PTER: variants seen among roughly 807,000 people sequenced by gnomAD.
PTER encodes phosphotriesterase related.
PTER carries 38 observed loss-of-function variants against 29.6 expected under a neutral mutation model. The observed-to-expected ratio is 1.28, with a 90% confidence interval of 0.99 to 1.68. PTER has a LOEUF of 1.68. Among genes scored for constraint, PTER ranks in the 40% most tolerant of loss-of-function variants. PTER has a pLI of 0.00. For synonymous variants in PTER, 172 were observed against 154.5 expected, an observed-to-expected ratio of 1.11 and a Z score of -0.84; for missense variants, 482 against 427.8, an observed-to-expected ratio of 1.13 and a Z score of -1.12.
chr10:16,445,539 G>A (rs779115233), intron 1 of PTER, among the ~76,000 whole-genome samples: 2 of 152,180 alleles, frequency 1.3e-5, no homozygotes, highest in Non-Finnish European at 2.9e-5. Context: ...CATATGACAT[G>A]TCTATTACTT....
intron 1 of PTER, among the ~76,000 whole-genome samples, chr10:16,483,427 A>G (rs1382540373): frequency 6.6e-6 from 1 of 152,064 alleles, no homozygotes; most frequent in African/African-American, 2.4e-5. Context: ...TGTTTTGGGG[A>G]GGGGCATATT....
intron 3 of PTER, among the ~76,000 whole-genome samples, chr10:16,487,817 C>T (rs1029898150): frequency 6.6e-6 from 1 of 152,000 alleles, no homozygotes; most frequent in Non-Finnish European, 1.5e-5. Flanking sequence ...GGAGTAAAGC[C>T]ATATTAACAT....
chr10:16,472,932 A>T (rs1202839516), intron 1 of PTER, among the ~76,000 whole-genome samples: 1 of 152,136 alleles, frequency 6.6e-6, no homozygotes, highest in Admixed American at 6.5e-5. Flanking sequence ...GACATAAAAG[A>T]TAAAGTATTT....
At position 16,484,798 on chromosome 10, in the gene PTER, G is replaced by A. The variant is rs145046734; in HGVS notation, c.414G>A (p.Arg138=). ...ATGCAACTCACTCCTCAGAGACCAG[G>A]GCCATGTCAGTGGAGCAGGTAAAAA... ...YVDATHSSET[R]AMSVEQLTDV... The change falls in exon 2 of 5, where the codon AGG becomes AGA. Residue 138 remains arginine, a synonymous_variant. Coordinates refer to ENST00000535784, the MANE Select transcript of PTER (RefSeq NM_001261836.2). The A allele has an allele frequency of 5.6e-6, 9 of 1,604,400 alleles. No individual in the cohort carries two copies. The highest frequency in any genetic ancestry group is 1.7e-4 in the Middle Eastern group (1 of 5,964).
intron 3 of PTER, among the ~76,000 whole-genome samples, chr10:16,488,710 C>T (rs961680646): frequency 1.3e-5 from 2 of 151,906 alleles, no homozygotes; most frequent in Non-Finnish European, 2.9e-5. Context: ...TTCAAGTGAT[C>T]CTCCAACCTC....
At chr10:16,479,061 TTTC>T (rs1201180636) in intron 1 of PTER, among the ~76,000 whole-genome samples, 2 of 152,132 alleles carry the variant, frequency 1.3e-5, no homozygotes, top group African/African-American at 2.4e-5. Context: ...TTCCTCAGGT[TTTC>T]TTCTTACATT....
At chr10:16,509,340 G>A (rs1040934818) in intron 4 of PTER, among the ~76,000 whole-genome samples, 2 of 151,996 alleles carry the variant, frequency 1.3e-5, no homozygotes, top group South Asian at 4.2e-4. Flanking sequence ...AAGGATTCCC[G>A]GTTTTAAGTA....
chr10:16,495,143 G>A (rs1836043818), intron 3 of PTER, among the ~76,000 whole-genome samples: 1 of 150,808 alleles, frequency 6.6e-6, no homozygotes, highest in Admixed American at 6.7e-5. Context: ...TCAAGGGGGA[G>A]GAGTACAAAG....
At chr10:16,474,605 T>C (rs1835187664) in intron 1 of PTER, among the ~76,000 whole-genome samples, 1 of 152,008 alleles carries the variant, frequency 6.6e-6, no homozygotes, top group African/African-American at 2.4e-5. Context: ...AAAAGAAATT[T>C]GGTCAGGCTT....
intron 4 of PTER, among the ~76,000 whole-genome samples, chr10:16,510,624 G>T (rs1232354987): frequency 6.6e-6 from 1 of 152,094 alleles, no homozygotes; most frequent in African/African-American, 2.4e-5. Flanking sequence ...TTTTTGGCCA[G>T]ATAAAAGGAG....
At chr10:16,507,816 GTTTC>G (rs142694320) in intron 4 of PTER, among the ~76,000 whole-genome samples, 149 of 152,258 alleles carry the variant, frequency 9.8e-4, no homozygotes, top group African/African-American at 3.5e-3. Context: ...TAGATGTATT[GTTTC>G]TTTGTTTATT....
At chr10:16,455,898 A>G (rs145266394) in intron 1 of PTER, among the ~76,000 whole-genome samples, 147 of 152,364 alleles carry the variant, frequency 9.6e-4, no homozygotes, top group African/African-American at 2.8e-3. Flanking sequence ...GAGCACTTAG[A>G]GAACACATCT....
rs1000988415 is a variant in PTER at position 16,507,567 on chromosome 10, C to T, written c.839+2407C>T. 5.3e-5 allele frequency among the ~76,000 whole-genome samples: 8 copies of T among 152,236 alleles called. No homozygotes were observed. The South Asian group carries it at 1.7e-3, about 32-fold the overall frequency. On this transcript the variant is annotated intron_variant, in intron 4 of 4. Coordinates refer to ENST00000535784, the MANE Select transcript of PTER (RefSeq NM_001261836.2). Reference sequence around the variant, plus strand: ...AGTTGGGACATCCTGAGGATCTTTCCCTGGGAAGTCACATTTACGTCTGTA... The same window carrying T: ...AGTTGGGACATCCTGAGGATCTTTCTCTGGGAAGTCACATTTACGTCTGTA...
intron 1 of PTER, among the ~76,000 whole-genome samples, chr10:16,471,815 C>T (rs1835065445): frequency 6.6e-6 from 1 of 152,126 alleles, no homozygotes; most frequent in African/African-American, 2.4e-5. Flanking sequence ...CTATATAATG[C>T]CATAATGGAC....
chr10:16,479,538 G>A (rs77990055), intron 1 of PTER, among the ~76,000 whole-genome samples: 1,868 of 152,176 alleles, frequency 0.012, 27 homozygotes, highest in African/African-American at 0.043. Context: ...TCAAATGTCA[G>A]TGTTAAGTGC....
intron 3 of PTER, among the ~76,000 whole-genome samples, chr10:16,493,018 A>T (rs1835957120): frequency 6.6e-6 from 1 of 152,230 alleles, no homozygotes; most frequent in African/African-American, 2.4e-5. Context: ...GTGGGATATC[A>T]CATCATTCAT....
At chr10:16,448,159 G>C (rs1160811318) in intron 1 of PTER, among the ~76,000 whole-genome samples, 1 of 152,136 alleles carries the variant, frequency 6.6e-6, no homozygotes, top group Non-Finnish European at 1.5e-5. Flanking sequence ...AAGATGGCAG[G>C]GCCTTGCTCC....
chr10:16,439,464 G>A (rs117537241), intron 1 of PTER, among the ~76,000 whole-genome samples: 231 of 152,256 alleles, frequency 1.5e-3, no homozygotes, highest in Non-Finnish European at 2.8e-3. Flanking sequence ...GTACATGACC[G>A]TGTACTCAGT....
At chr10:16,440,036 T>C (rs1293025766) in intron 1 of PTER, among the ~76,000 whole-genome samples, 1 of 152,004 alleles carries the variant, frequency 6.6e-6, no homozygotes, top group East Asian at 1.9e-4. Context: ...GTTTCTAGTG[T>C]ATTTTCAGTG....
Sources: gnomAD v4.1 joint callset for allele counts (sites outside exome capture counted in the v4.1 genomes callset) on GRCh38, gnomAD v4.1.1 for gene constraint, MANE v1.5 for transcripts, NCBI Gene and HGNC (gene_info 2026-07-23, HGNC 2026-07-21) for gene names.